Variants in RAB27B observed in about 807,000 individuals in gnomAD.
RAB27B encodes the protein ras-related protein Rab-27B.
In RAB27B, 15 loss-of-function variants were observed where a neutral mutation model predicts 24.6. The ratio of observed to expected loss-of-function variants is 0.61; its 90% CI spans 0.41 to 0.94. RAB27B has a LOEUF of 0.94. RAB27B is among the 40% of genes least tolerant of loss of function. The probability of loss-of-function intolerance (pLI) is 0.00; values close to 1 mark genes in which losing one functional copy is unlikely to be tolerated. For missense variants in RAB27B, 261 were observed against 266.8 expected (o/e 0.98, Z 0.15); for synonymous variants, 105 against 92.5 (o/e 1.14, Z -0.78).
At chr18:54,861,591 G>A (rs1218351294) in intron 1 of RAB27B, among the ~76,000 whole-genome samples, 1 of 152,214 alleles carries the variant, frequency 6.6e-6, no homozygotes, top group Non-Finnish European at 1.5e-5. Context: ...TAGCTGTAGA[G>A]TGAGACTTAG....
chr18:54,758,168 T>C (rs542406009), intron 2 of RAB27B, among the ~76,000 whole-genome samples: 1 of 152,284 alleles, frequency 6.6e-6, no homozygotes, highest in African/African-American at 2.4e-5. Flanking sequence ...TTCAATTCAA[T>C]ATCTAGGTAG....
intron 1 of RAB27B, among the ~76,000 whole-genome samples, chr18:54,838,713 C>A (rs898320731): frequency 2.6e-5 from 4 of 152,062 alleles, no homozygotes; most frequent in Non-Finnish European, 5.9e-5. Flanking sequence ...AGATGGAGAA[C>A]ATTTAAATGA....
chr18:54,860,075 A>G (rs28674693), intron 1 of RAB27B, among the ~76,000 whole-genome samples: 1 of 152,108 alleles, frequency 6.6e-6, no homozygotes, highest in African/African-American at 2.4e-5. Context: ...TTTTTGTTAC[A>G]TTGGGTACTT....
chr18:54,883,328 G>A (rs1913002490), intron 3 of RAB27B, among the ~76,000 whole-genome samples: 1 of 152,136 alleles, frequency 6.6e-6, no homozygotes, highest in African/African-American at 2.4e-5. Flanking sequence ...TATAGAGTAA[G>A]AGGGGTCAAG....
chr18:54,792,534 G>T (rs1041569297), intron 2 of RAB27B, among the ~76,000 whole-genome samples: 2 of 152,092 alleles, frequency 1.3e-5, no homozygotes, highest in Non-Finnish European at 2.9e-5. Context: ...GAACACCCAC[G>T]TTAATGAACA....
intron 2 of RAB27B, among the ~76,000 whole-genome samples, chr18:54,751,358 C>T (rs988907553): frequency 3.3e-5 from 5 of 152,076 alleles, no homozygotes; most frequent in African/African-American, 1.2e-4. Flanking sequence ...GGAGGCAGTG[C>T]TAGTGACTGA....
chr18:54,767,976 A>T (rs532777615), intron 2 of RAB27B, among the ~76,000 whole-genome samples: 125 of 152,278 alleles, frequency 8.2e-4, no homozygotes, highest in African/African-American at 2.8e-3. Flanking sequence ...AATAAGAGAT[A>T]GTCCCTTCTT....
At chr18:54,752,425 A>T (rs1027787351) in intron 2 of RAB27B, among the ~76,000 whole-genome samples, 2 of 152,172 alleles carry the variant, frequency 1.3e-5, no homozygotes, top group African/African-American at 4.8e-5. Flanking sequence ...GGTGATTCTC[A>T]TGTGCAAACA....
At chr18:54,771,930 A>G (rs1193346669) in intron 2 of RAB27B, among the ~76,000 whole-genome samples, 1 of 152,222 alleles carries the variant, frequency 6.6e-6, no homozygotes, top group Non-Finnish European at 1.5e-5. Flanking sequence ...TTAGGCAGTT[A>G]AGAGAAAAAT....
chr18:54,779,899 C>T (rs773969495), intron 2 of RAB27B, among the ~76,000 whole-genome samples: 1 of 151,846 alleles, frequency 6.6e-6, no homozygotes, highest in Non-Finnish European at 1.5e-5. Flanking sequence ...ACAGCTTCCC[C>T]CTCACCCTCT....
At chr18:54,879,697 C>G in intron 3 of RAB27B, 1 of 447,686 alleles carries the variant, frequency 2.2e-6, no homozygotes. Flanking sequence ...TCTTGCTATG[C>G]ACTGTCTTTG....
chr18:54,773,759 T>C (rs1908628958), intron 2 of RAB27B, among the ~76,000 whole-genome samples: 1 of 151,366 alleles, frequency 6.6e-6, no homozygotes, highest in South Asian at 2.1e-4. Context: ...CACTGCAACC[T>C]CTGCCTTCCA....
At chr18:54,743,634 G>C (rs952039677) in intron 2 of RAB27B, among the ~76,000 whole-genome samples, 3 of 152,172 alleles carry the variant, frequency 2.0e-5, no homozygotes, top group African/African-American at 7.2e-5. Flanking sequence ...GCATAGCAGT[G>C]TGTTTGTCAC....
chr18:54,873,456 A>G (rs1912558182), intron 1 of RAB27B, among the ~76,000 whole-genome samples: 1 of 152,226 alleles, frequency 6.6e-6, no homozygotes, highest in South Asian at 2.1e-4. Flanking sequence ...ACCAAGAACC[A>G]GCAAGACCAT....
chr18:54,859,486 C>CAAA (rs200377089), intron 1 of RAB27B, among the ~76,000 whole-genome samples: 3 of 141,160 alleles, frequency 2.1e-5, no homozygotes, highest in African/African-American at 7.8e-5. Context: ...TTCAATTAAC[C>CAAA]AAAAAAAAAA....
At chr18:54,876,220 G>A (rs1052089282) in intron 1 of RAB27B, among the ~76,000 whole-genome samples, 2 of 152,080 alleles carry the variant, frequency 1.3e-5, no homozygotes, top group African/African-American at 4.8e-5. Context: ...ACAGCATGGG[G>A]GAAACCACCC....
chr18:54,800,950 A>G (rs1464591167), intron 2 of RAB27B, among the ~76,000 whole-genome samples: 2 of 149,312 alleles, frequency 1.3e-5, no homozygotes, highest in African/African-American at 2.5e-5. Flanking sequence ...AGACCACTAA[A>G]TTTTATTTTA....
At chr18:54,814,758 T>C (rs530275245) in intron 2 of RAB27B, among the ~76,000 whole-genome samples, 18 of 152,326 alleles carry the variant, frequency 1.2e-4, no homozygotes, top group African/African-American at 4.1e-4. Flanking sequence ...TTTGAATAGA[T>C]ATATTTCAAC....
At chr18:54,784,559 A>G (rs1198302566) in intron 2 of RAB27B, among the ~76,000 whole-genome samples, 3 of 152,186 alleles carry the variant, frequency 2.0e-5, no homozygotes, top group African/African-American at 4.8e-5. Context: ...GTGAGAACAT[A>G]CAATATTTGG....
Sources: allele counts gnomAD v4.1 joint callset (sites outside exome capture counted in the v4.1 genomes callset), GRCh38; gene constraint gnomAD v4.1.1; transcripts MANE v1.5; gene names NCBI Gene and HGNC (gene_info 2026-07-23, HGNC 2026-07-21).